Variants in AK9 observed in about 807,000 individuals in gnomAD.
AK9 encodes adenylate kinase domain containing 1.
In AK9, 191 loss-of-function variants were observed where a neutral mutation model predicts 239.6. The observed-to-expected ratio is 0.80, with a 90% CI of 0.71 to 0.90. The LOEUF is 0.90. Ranked by LOEUF, AK9 falls within the 40% of genes least tolerant of loss-of-function variation. The pLI is 0.00. For synonymous variants in AK9, 689 were observed against 721.0 expected (o/e 0.96, Z 0.71); for missense variants, 1,995 against 2,214.7 (o/e 0.90, Z 1.99).
chr6:109,616,211 T>C (rs1018649890), intron 13 of AK9, among the ~76,000 whole-genome samples: 2 of 152,174 alleles, frequency 1.3e-5, no homozygotes, highest in African/African-American at 2.4e-5. Flanking sequence ...ATTAGCTCTC[T>C]GGAAAACCCA....
chr6:109,574,049 T>C (rs980137872), intron 20 of AK9, among the ~76,000 whole-genome samples: 1 of 152,130 alleles, frequency 6.6e-6, no homozygotes, highest in African/African-American at 2.4e-5. Flanking sequence ...AAACTAAATA[T>C]AAAATATGTG....
At chr6:109,665,460 C>T (rs943232342) in intron 5 of AK9, among the ~76,000 whole-genome samples, 1 of 131,982 alleles carries the variant, frequency 7.6e-6, no homozygotes, top group Admixed American at 7.9e-5. Flanking sequence ...TCTCTACCTG[C>T]CTCTTCTTGT....
rs1470050487 is a variant in AK9 at position 109,638,923 on chromosome 6, T to C, written c.933+2595A>G. ...AGTGTTTGGTTTTCTGTCCTTGCCA[T>C]AGTTTGCTGACAATGATTGTTTCCA... On this transcript the variant is annotated intron_variant, in intron 10 of 40. Transcript: ENST00000424296. 2.0e-5 allele frequency among the ~76,000 whole-genome samples: 3 copies of C among 152,340 alleles called. No homozygotes were observed. The East Asian group carries it at 5.8e-4, about 29-fold the overall frequency.
intron 1 of AK9, chr6:109,690,796 C>T (rs2128373772): frequency 6.5e-6 from 1 of 153,528 alleles, no homozygotes; most frequent in East Asian, 1.9e-4. Context: ...TAGTCTCTGT[C>T]GACAACTTCA....
chr6:109,641,690 T>C, intron 9 of AK9, 74 bp from the exon 10 acceptor site: 1 of 1,347,520 alleles, frequency 7.4e-7, no homozygotes, highest in Non-Finnish European at 1.0e-6. Context: ...GTGGTGGGCT[T>C]ATGAGCCAAG....
intron 35 of AK9, among the ~76,000 whole-genome samples, chr6:109,500,313 A>G (rs995099576): frequency 2.6e-5 from 4 of 152,196 alleles, no homozygotes; most frequent in Non-Finnish European, 5.9e-5. Context: ...AACAAGATTA[A>G]GAGTTTTCTC....
intron 33 of AK9, 145 bp downstream of exon 33, chr6:109,509,034 C>A: frequency 3.4e-6 from 3 of 883,022 alleles, no homozygotes; most frequent in Non-Finnish European, 1.7e-6. Context: ...AAATATGTAA[C>A]CATATAGGTG....
intron 28 of AK9, among the ~76,000 whole-genome samples, chr6:109,530,156 T>TG (rs1042453150): frequency 6.6e-6 from 1 of 152,164 alleles, no homozygotes. Context: ...TCTTCAGGTT[T>TG]GGGGGCTTAT....
chr6:109,598,215 C>T (rs1350378653), intron 17 of AK9, among the ~76,000 whole-genome samples: 1 of 140,496 alleles, frequency 7.1e-6, no homozygotes. Flanking sequence ...TAATGCTATC[C>T]CTCCCCCCTC....
intron 28 of AK9, among the ~76,000 whole-genome samples, chr6:109,531,029 C>G (rs1427579946): frequency 6.6e-6 from 1 of 151,922 alleles, no homozygotes; most frequent in Non-Finnish European, 1.5e-5. Flanking sequence ...GCGATAGAGT[C>G]AGACTCCGTC....
chr6:109,652,933 T>A (rs1799173780), intron 8 of AK9, among the ~76,000 whole-genome samples: 1 of 151,266 alleles, frequency 6.6e-6, no homozygotes, highest in African/African-American at 2.4e-5. Context: ...AAGTAGGTGT[T>A]TTTTTTTTGT....
intron 17 of AK9, among the ~76,000 whole-genome samples, chr6:109,607,614 A>G (rs1793049421): frequency 6.6e-6 from 1 of 152,210 alleles, no homozygotes; most frequent in Non-Finnish European, 1.5e-5. Context: ...GGTCATGGAA[A>G]TAATCCACTG....
intron 12 of AK9, among the ~76,000 whole-genome samples, chr6:109,629,303 A>T (rs904111336): frequency 1.3e-5 from 2 of 152,078 alleles, no homozygotes; most frequent in Non-Finnish European, 2.9e-5. Flanking sequence ...CAAATTCTAT[A>T]ATGTAACTAA....
intron 29 of AK9, among the ~76,000 whole-genome samples, chr6:109,526,596 T>C (rs898230621): frequency 8.6e-5 from 13 of 151,994 alleles, no homozygotes; most frequent in Admixed American, 6.6e-4. Flanking sequence ...ATTAGAGAAG[T>C]GACGGAAGAG....
In AK9 at chr6:109,548,767, C is replaced by T. The variant is rs576425276; in HGVS notation, c.2964+1323G>A. ...CATCTGCTGACAAAAACAGAGCTTT[C>T]GATGGAAATTTTAAACACATGGGAT... On this transcript the variant is annotated intron_variant, in intron 25 of 40. Transcript: ENST00000424296. 1.2e-4 allele frequency among the ~76,000 whole-genome samples: 18 copies of T among 152,208 alleles called. 1 individual carries two copies. Among genetic ancestry groups the T allele is most frequent in the African/African-American group, 3.1e-4 (13 of 41,526 alleles).
At chr6:109,625,734 A>G (rs553005601) in intron 12 of AK9, among the ~76,000 whole-genome samples, 1 of 152,266 alleles carries the variant, frequency 6.6e-6, no homozygotes, top group East Asian at 1.9e-4. Flanking sequence ...CATGGTGCCA[A>G]AAAGGTTGGG....
At chr6:109,517,138 T>G (rs1323156204) in intron 29 of AK9, among the ~76,000 whole-genome samples, 4 of 152,140 alleles carry the variant, frequency 2.6e-5, no homozygotes, top group African/African-American at 4.8e-5. Flanking sequence ...GTGTAGGCTA[T>G]AGCCCACTGC....
intron 20 of AK9, among the ~76,000 whole-genome samples, chr6:109,574,758 C>G (rs1787849012): frequency 6.6e-6 from 1 of 151,816 alleles, no homozygotes. Flanking sequence ...GTGTTTTGTT[C>G]CATGGAAAAG....
chr6:109,600,602 T>C (rs1791800100), intron 17 of AK9, among the ~76,000 whole-genome samples: 1 of 152,238 alleles, frequency 6.6e-6, no homozygotes, highest in African/African-American at 2.4e-5. Context: ...TAAAATGACT[T>C]AGGGAGGATT....
Sources: gnomAD v4.1 joint callset for allele counts (sites outside exome capture counted in the v4.1 genomes callset) on GRCh38, gnomAD v4.1.1 for gene constraint, MANE v1.5 for transcripts, NCBI Gene and HGNC (gene_info 2026-07-23, HGNC 2026-07-21) for gene names.